Variants in SLC38A11 observed in about 807,000 individuals in gnomAD.
SLC38A11 encodes solute carrier family 38 member 11.
SLC38A11 carries 51 observed loss-of-function variants against 49.4 expected under a neutral mutation model. The ratio of observed to expected loss-of-function variants is 1.03; its 90% CI spans 0.83 to 1.30. The LOEUF (loss-of-function observed/expected upper bound fraction) is 1.30, where lower values mean the gene tolerates loss of function less well. SLC38A11 is among the 50% of genes most tolerant of loss of function. The pLI, the probability that SLC38A11 is intolerant of heterozygous loss-of-function variation, is 0.00. For missense variants in SLC38A11, 574 were observed against 556.2 expected, an observed-to-expected ratio of 1.03 and a Z score of -0.32; for synonymous variants, 203 against 192.9, an observed-to-expected ratio of 1.05 and a Z score of -0.43.
intron 10 of SLC38A11, 69 bp from the exon 11 acceptor site, chr2:164,908,840 TA>T: frequency 6.7e-7 from 1 of 1,486,984 alleles, no homozygotes; most frequent in South Asian, 1.3e-5. Context: ...GGGAGTATTT[TA>T]CAATAGTATT....
In SLC38A11 at chr2:164,934,762, C is replaced by G. The variant is rs370679929; in HGVS notation, c.617+2588G>C. ...TCAATTAAAACAGTTTGGTCTTACA[C>G]AATTAAAATTTTTAGCCCAAATTAT... On this transcript the variant is annotated intron_variant, in intron 7 of 11. Transcript: ENST00000685975. 4.1e-4 allele frequency among the ~76,000 whole-genome samples: 62 copies of G among 152,228 alleles called. 1 individual carries two copies. The highest frequency in any genetic ancestry group is 3.4e-3 in the Middle Eastern group (1 of 294).
At chr2:164,904,513 C>T (rs1684864340) in intron 11 of SLC38A11, among the ~76,000 whole-genome samples, 1 of 151,978 alleles carries the variant, frequency 6.6e-6, no homozygotes, top group South Asian at 2.1e-4. Flanking sequence ...GTAGCATTTC[C>T]CTAACCTTGC....
intron 7 of SLC38A11, among the ~76,000 whole-genome samples, chr2:164,919,409 G>C (rs1686023806): frequency 6.6e-6 from 1 of 151,966 alleles, no homozygotes; most frequent in African/African-American, 2.4e-5. Context: ...TAATATTAAA[G>C]TTATAATAAA....
chr2:164,955,218 G>T lies in SLC38A11; in HGVS notation c.30C>A (p.Ile10=). ...TAGTCGCTAGTTTTACCTGCGGCGG[G>T]ATGACAGGCTCCTGCCTCTGGTAGC... The part of the protein sequence containing the change: MGYQRQEPV[I]PPQRDLDDRE... Residue 10 remains isoleucine (I), a synonymous_variant, in exon 1 of 12, where the codon ATC becomes ATA. Coordinates refer to ENST00000685975, the MANE Select transcript of SLC38A11 (RefSeq NM_001351537.2). The T allele has an allele frequency of 6.4e-7, 1 of 1,550,570 alleles. No homozygotes were observed. Among genetic ancestry groups the T allele is most frequent in the Non-Finnish European group, 8.7e-7 (1 of 1,146,972 alleles).
chr2:164,908,728 A>G lies in SLC38A11; in HGVS notation c.1007T>C (p.Phe336Ser), dbSNP rs1685195948. 6.2e-7 allele frequency: 1 copy of G among 1,611,432 alleles called. No individual in the cohort carries two copies. The highest frequency in any genetic ancestry group is 8.5e-7 in the Non-Finnish European group (1 of 1,178,564). The change falls in exon 11 of 12, where the codon TTC becomes TCC. Residue 336 changes from phenylalanine (F) to serine (S), a missense_variant. By Grantham distance (155) the Phe-to-Ser change is radical. Coordinates refer to ENST00000685975, the MANE Select transcript of SLC38A11 (RefSeq NM_001351537.2). ...VFFGGNLSSVFHIVVTVMVIT... is the reference protein window; with the variant it reads ...VFFGGNLSSVSHIVVTVMVIT... The stretch of plus-strand genomic sequence containing the variant: ...GACCATCACTGTTACAACAATGTGG[A>G]AAACCGATGAAAGATTCCCACCAAA...
At chr2:164,916,990 A>T (rs1451574033) in intron 7 of SLC38A11, among the ~76,000 whole-genome samples, 3 of 151,940 alleles carry the variant, frequency 2.0e-5, no homozygotes, top group Non-Finnish European at 4.4e-5. Context: ...TGTGTAGATT[A>T]AATGAGATAA....
chr2:164,951,941 C>G (rs1016918705), intron 3 of SLC38A11, among the ~76,000 whole-genome samples: 3 of 151,114 alleles, frequency 2.0e-5, no homozygotes, highest in African/African-American at 7.3e-5. Flanking sequence ...TCTAATCCAC[C>G]ACAGCAGCAA....
At chr2:164,915,018 A>G (rs1347663924) in intron 9 of SLC38A11, 94 bp downstream of exon 9, 4 of 1,142,858 alleles carry the variant, frequency 3.5e-6, no homozygotes, top group Non-Finnish European at 4.8e-6. Flanking sequence ...TCTTTGAAAT[A>G]GAACACTGGG....
chr2:164,937,378 C>T lies in SLC38A11; in HGVS notation c.589G>A (p.Ala197Thr). 6.2e-7 allele frequency: 1 copy of T among 1,611,756 alleles called. No individual in the cohort carries two copies. Among genetic ancestry groups the T allele is most frequent in the African/African-American group, 1.3e-5 (1 of 74,898 alleles). Reference protein sequence around the residue: ...LTTLILGIVMARAISLGPHIP... With the variant: ...LTTLILGIVMTRAISLGPHIP... ...TGTGGACCCAGTGAAATTGCCCTTG[C>T]CATTACAATTCCAAGAATCAGAGTT... The change falls in exon 7 of 12, where the codon GCA becomes ACA. Residue 197 changes from alanine to threonine, a missense_variant. By Grantham distance (58) the Ala-to-Thr change is moderately conservative (BLOSUM62 0). Coordinates refer to ENST00000685975, the MANE Select transcript of SLC38A11 (RefSeq NM_001351537.2).
Position 164,934,664 on chromosome 2 carries a change from A to T in SLC38A11, c.617+2686T>A, listed in dbSNP as rs190659501. ...AATATTGCCTCATAATACTATATTT[A>T]GCAAACCTATAAGAACTTTTATTAC... is the stretch of plus-strand genomic sequence containing the variant. On this transcript the variant is annotated intron_variant, in intron 7 of 11. Transcript: ENST00000685975. Among the ~76,000 whole-genome samples the T allele has an allele frequency of 1.2e-3, 183 of 152,314 alleles. 1 individual carries two copies. The highest frequency in any genetic ancestry group is 4.3e-3 in the African/African-American group (177 of 41,574).
In SLC38A11 at chr2:164,944,584, GA is replaced by G; in HGVS notation, c.414del (p.Gln139LysfsTer36). On this transcript the variant is annotated frameshift_variant, in exon 5 of 12. Coordinates refer to ENST00000685975, the MANE Select transcript of SLC38A11 (RefSeq NM_001351537.2). LOFTEE classifies it high-confidence loss of function. ...TTTGGCTTACCTCCTGGGATTCTTT[GA>G]AAAACTTTGCTCAAAGTATCTCCAG... ...IIAGDTLSKVFQRIPGVDPEN... is the reference protein window; with the variant it reads ...IIAGDTLSKVXQRIPGVDPEN... The G allele has an allele frequency of 7.5e-7, 1 of 1,338,204 alleles. No homozygotes were observed. The highest frequency in any genetic ancestry group is 9.7e-7 in the Non-Finnish European group (1 of 1,033,062). 82.9% of individuals were successfully genotyped at this position (1,338,204 alleles called of 1,614,324 possible).
At chr2:164,911,538 C>G in intron 10 of SLC38A11, 98 bp downstream of exon 10, 1 of 517,254 alleles carries the variant, frequency 1.9e-6, no homozygotes, top group African/African-American at 2.0e-5. Context: ...TTGTCATGCC[C>G]TTGGGAATTT....
In SLC38A11 at chr2:164,939,348, A is replaced by G. The variant is rs544982573; in HGVS notation, c.537+102T>C. On this transcript the variant is annotated intron_variant, in intron 6 of 11. Transcript: ENST00000685975. The stretch of plus-strand genomic sequence containing the variant: ...GCATCACCATTAAGTAAACCAGAAG[A>G]AACTAAAGATGAATACCGTAATTAA... 4.3e-4 allele frequency: 293 copies of G among 676,962 alleles called. 1 individual carries two copies. Among genetic ancestry groups the G allele is most frequent in the Admixed American group, 1.2e-3 (39 of 31,388 alleles). The allele number at this position is 676,962 out of a possible 1,614,324, so 41.9% of individuals were successfully genotyped here.
rs1389438241 is a variant in SLC38A11 at position 164,937,332 on chromosome 2, TATAACAAC to T, written c.617+10_617+17del. 5 of 1,544,306 alleles carry T rather than the reference TATAACAAC, an allele frequency of 3.2e-6. No individual in the cohort carries two copies. Among genetic ancestry groups the T allele is most frequent in the Non-Finnish European group, 4.5e-6 (5 of 1,118,384 alleles). On this transcript the variant is annotated intron_variant, in intron 7 of 11. Transcript: ENST00000685975. ...AGGCTATAAATCAAAGACTGACAAA[TATAACAAC>T]ATAACTTACATGTGTGGACCCAGTG...
At chr2:164,926,783 T>A (rs561637181) in intron 7 of SLC38A11, among the ~76,000 whole-genome samples, 1 of 146,488 alleles carries the variant, frequency 6.8e-6, no homozygotes, top group Non-Finnish European at 1.5e-5. Flanking sequence ...AAACACCGCA[T>A]GTTCTCACTC....
chr2:164,908,895 T>G, intron 10 of SLC38A11, 124 bp from the exon 11 acceptor site: 2 of 1,079,358 alleles, frequency 1.9e-6, no homozygotes, highest in South Asian at 3.7e-5. Flanking sequence ...TAATCAAATC[T>G]TAAGTCACTA....
At position 164,937,349 on chromosome 2, in the gene SLC38A11, C is replaced by G. The variant is rs777020179; in HGVS notation, c.617+1G>C. On this transcript the variant is annotated splice_donor_variant, in intron 7 of 11. Coordinates refer to ENST00000685975, the MANE Select transcript of SLC38A11 (RefSeq NM_001351537.2). LOFTEE classifies it high-confidence loss of function. ...CTGACAAATATAACAACATAACTTA[C>G]ATGTGTGGACCCAGTGAAATTGCCC... is the stretch of plus-strand genomic sequence containing the variant. The G allele has an allele frequency of 6.3e-7, 1 of 1,596,806 alleles. No individual in the cohort carries two copies. Among genetic ancestry groups the G allele is most frequent in the South Asian group, 1.1e-5 (1 of 90,620 alleles).
At chr2:164,922,413 C>G (rs919321409) in intron 7 of SLC38A11, 1 of 152,286 alleles carries the variant, frequency 6.6e-6, no homozygotes, top group Non-Finnish European at 1.5e-5. Context: ...TGACCTCTTC[C>G]CCCAGCTCCT....
At chr2:164,930,027 C>A (rs1686881288) in intron 7 of SLC38A11, among the ~76,000 whole-genome samples, 1 of 149,306 alleles carries the variant, frequency 6.7e-6, no homozygotes, top group African/African-American at 2.5e-5. Flanking sequence ...AGATGAAAAG[C>A]AAGAAGATCC....
Sources: gnomAD v4.1 joint callset for allele counts (sites outside exome capture counted in the v4.1 genomes callset) on GRCh38, gnomAD v4.1.1 for gene constraint, MANE v1.5 for transcripts, NCBI Gene and HGNC (gene_info 2026-07-23, HGNC 2026-07-21) for gene names.